The following SPCS2 variants were observed in gnomAD, a reference collection of about 807,000 sequenced individuals.
SPCS2 encodes signal peptidase complex subunit 2.
Under a neutral mutation model 22.3 loss-of-function variants are expected in SPCS2, and 3 were observed. That is an observed-to-expected ratio of 0.13 (90% CI 0.06 to 0.35). The LOEUF (loss-of-function observed/expected upper bound fraction) is 0.35, where lower values mean the gene tolerates loss of function less well. SPCS2 is among the 10% of genes least tolerant of loss of function. The pLI is 1.00. For missense variants in SPCS2, 169 were observed against 280.9 expected, an observed-to-expected ratio of 0.60 and a Z score of 2.85; for synonymous variants, 67 against 97.2, an observed-to-expected ratio of 0.69 and a Z score of 1.83.
At chr11:74,974,211 A>AT (rs922868079) in intron 4 of SPCS2, among the ~76,000 whole-genome samples, 71 of 151,166 alleles carry the variant, frequency 4.7e-4, no homozygotes, top group African/African-American at 1.6e-3. Flanking sequence ...TTCATCTCCC[A>AT]TTTTTTTACA....
intron 1 of SPCS2, among the ~76,000 whole-genome samples, chr11:74,956,229 AC>A (rs143571483): frequency 6.6e-6 from 1 of 152,000 alleles, no homozygotes; most frequent in East Asian, 1.9e-4. Flanking sequence ...CAATGTCATG[AC>A]TTAAATAACA....
At chr11:74,960,130 A>G (rs1948503595) in intron 1 of SPCS2, among the ~76,000 whole-genome samples, 2 of 152,176 alleles carry the variant, frequency 1.3e-5, no homozygotes, top group Non-Finnish European at 2.9e-5. Flanking sequence ...CAGGAGTTCG[A>G]GACTAGCCTG....
chr11:74,957,099 G>T (rs887189172), intron 1 of SPCS2, among the ~76,000 whole-genome samples: 1 of 152,074 alleles, frequency 6.6e-6, no homozygotes, highest in African/African-American at 2.4e-5. Flanking sequence ...AGCTCTTTGA[G>T]TGCAGAATTT....
chr11:74,968,868 C>T (rs1039086922), intron 3 of SPCS2, among the ~76,000 whole-genome samples: 8 of 152,020 alleles, frequency 5.3e-5, no homozygotes, highest in African/African-American at 1.7e-4. Context: ...CCCATTGTTC[C>T]TTGTTGGCCA....
At chr11:74,969,462 C>A in intron 3 of SPCS2, 103 bp from the exon 4 acceptor site, 1 of 1,106,404 alleles carries the variant, frequency 9.0e-7, no homozygotes, top group Non-Finnish European at 1.3e-6. Context: ...ACAAAGCTGT[C>A]TTCTTTAGGA....
At position 74,969,709 on chromosome 11, in the gene SPCS2, T is replaced by G; in HGVS notation, c.494+10T>G. On this transcript the variant is annotated intron_variant, in intron 4 of 4. Transcript: ENST00000263672. Reference sequence around the variant, plus strand: ...CCTCCAGTCTTAAAAGGTATGACTATCCTCACAGATTTTTAAATCCTGGTG... The same window carrying G: ...CCTCCAGTCTTAAAAGGTATGACTAGCCTCACAGATTTTTAAATCCTGGTG... The G allele has an allele frequency of 6.2e-7, 1 of 1,613,570 alleles. No individual in the cohort carries two copies. The highest frequency in any genetic ancestry group is 8.5e-7 in the Non-Finnish European group (1 of 1,179,634).
intron 1 of SPCS2, among the ~76,000 whole-genome samples, chr11:74,950,990 G>GTGCT (rs1437845292): frequency 3.3e-5 from 5 of 152,180 alleles, no homozygotes; most frequent in African/African-American, 1.2e-4. Flanking sequence ...CTCATAGCCT[G>GTGCT]TGCTTACCTG....
chr11:74,964,276 T>C (rs548443940), intron 1 of SPCS2, among the ~76,000 whole-genome samples: 3 of 152,348 alleles, frequency 2.0e-5, no homozygotes, highest in South Asian at 4.1e-4. Flanking sequence ...TGCTGTAACA[T>C]TTTGAACTTC....
chr11:74,972,987 A>G (rs569146704), intron 4 of SPCS2, among the ~76,000 whole-genome samples: 17 of 152,018 alleles, frequency 1.1e-4, no homozygotes, highest in Non-Finnish European at 2.5e-4. Flanking sequence ...CAAACATCGC[A>G]TATTCTCACT....
intron 1 of SPCS2, among the ~76,000 whole-genome samples, chr11:74,952,844 A>G (rs992042327): frequency 3.9e-5 from 6 of 152,208 alleles, no homozygotes; most frequent in African/African-American, 1.4e-4. Context: ...TTTCAGCCTT[A>G]CATTGAACTG....
At chr11:74,949,801 C>T (rs2140201436) in intron 1 of SPCS2, among the ~76,000 whole-genome samples, 1 of 152,318 alleles carries the variant, frequency 6.6e-6, no homozygotes, top group Non-Finnish European at 1.5e-5. Context: ...CACCATCACC[C>T]TTGCGTGCTG....
chr11:74,968,518 GTT>G (rs60284428), intron 3 of SPCS2, among the ~76,000 whole-genome samples: 8 of 120,220 alleles, frequency 6.7e-5, no homozygotes, highest in African/African-American at 9.1e-5. Flanking sequence ...GGTTTTTTTT[GTT>G]TTTTTTTTTT....
chr11:74,952,091 A>C (rs949360659), intron 1 of SPCS2, among the ~76,000 whole-genome samples: 57 of 152,172 alleles, frequency 3.7e-4, no homozygotes, highest in Admixed American at 3.7e-3. Flanking sequence ...GAGACTGTGT[A>C]AAGTGGTTTT....
chr11:74,962,225 A>G (rs529488), intron 1 of SPCS2, among the ~76,000 whole-genome samples: 61,648 of 152,088 alleles, frequency 0.41, 13,336 homozygotes, highest in Middle Eastern at 0.5. Context: ...CCAGAAGGAA[A>G]GGTGTTCAAC....
At chr11:74,959,020 A>G (rs1948495262) in intron 1 of SPCS2, among the ~76,000 whole-genome samples, 1 of 152,224 alleles carries the variant, frequency 6.6e-6, no homozygotes, top group South Asian at 2.1e-4. Context: ...AATAACTAGG[A>G]AATGGTTTCT....
chr11:74,972,021 C>T (rs1315278725), intron 4 of SPCS2, among the ~76,000 whole-genome samples: 5 of 152,158 alleles, frequency 3.3e-5, no homozygotes, highest in Admixed American at 2.0e-4. Context: ...CCCTGACATA[C>T]CTTAGTCTTC....
At chr11:74,950,604 T>A (rs996055226) in intron 1 of SPCS2, among the ~76,000 whole-genome samples, 2 of 152,190 alleles carry the variant, frequency 1.3e-5, no homozygotes, top group Admixed American at 1.3e-4. Flanking sequence ...AGAATGGATC[T>A]TAGCTCACTG....
intron 1 of SPCS2, among the ~76,000 whole-genome samples, chr11:74,950,686 A>T (rs954604851): frequency 6.6e-6 from 1 of 152,152 alleles, no homozygotes; most frequent in African/African-American, 2.4e-5. Context: ...GCAAATGTGC[A>T]CCACTATGCC....
At chr11:74,960,148 T>C (rs1313489295) in intron 1 of SPCS2, among the ~76,000 whole-genome samples, 1 of 152,156 alleles carries the variant, frequency 6.6e-6, no homozygotes, top group Non-Finnish European at 1.5e-5. Flanking sequence ...CTGGCCAACA[T>C]GGTGAAACCC....
Sources: gnomAD v4.1 joint callset for allele counts (sites outside exome capture counted in the v4.1 genomes callset) on GRCh38, gnomAD v4.1.1 for gene constraint, MANE v1.5 for transcripts, NCBI Gene and HGNC (gene_info 2026-07-23, HGNC 2026-07-21) for gene names.